Variants in OTUD7A observed in about 807,000 individuals in gnomAD.
The protein encoded by OTUD7A is OTU deubiquitinase 7A, also known as OTU domain-containing protein 7A.
A neutral mutation model predicts 65.7 loss-of-function variants in OTUD7A; 12 were observed. The ratio of observed to expected loss-of-function variants is 0.18; its 90% confidence interval spans 0.12 to 0.30. OTUD7A has a LOEUF of 0.30. OTUD7A is among the 10% of genes least tolerant of loss of function. The pLI is 1.00. For missense variants in OTUD7A, 1,148 were observed against 1,304.8 expected (o/e 0.88, Z 1.85); for synonymous variants, 641 against 586.3 (o/e 1.09, Z -1.35).
At chr15:31,855,459 C>T (rs1897544731) in intron 1 of OTUD7A, among the ~76,000 whole-genome samples, 2 of 151,948 alleles carry the variant, frequency 1.3e-5, no homozygotes, top group Admixed American at 1.3e-4. Flanking sequence ...GAAAACAGAG[C>T]CAGGGATTAA....
At chr15:31,723,065 T>C (rs572182926) in intron 1 of OTUD7A, among the ~76,000 whole-genome samples, 4 of 152,136 alleles carry the variant, frequency 2.6e-5, no homozygotes, top group African/African-American at 9.6e-5. Context: ...ATGAGGACCA[T>C]GGGGCAGAAG....
chr15:31,654,177 G>A (rs1375874277), intron 3 of OTUD7A, among the ~76,000 whole-genome samples: 4 of 93,890 alleles, frequency 4.3e-5, no homozygotes, highest in Non-Finnish European at 8.5e-5. Context: ...ATAGCAGGAA[G>A]GGAGAATCAT....
intron 1 of OTUD7A, among the ~76,000 whole-genome samples, chr15:31,791,461 G>A (rs988901272): frequency 1.8e-4 from 27 of 151,986 alleles, no homozygotes; most frequent in Non-Finnish European, 3.4e-4. Flanking sequence ...TGGTTCTCTT[G>A]CTGTGTCCCT....
At chr15:31,505,424 T>G (rs2041544885) in intron 8 of OTUD7A, among the ~76,000 whole-genome samples, 1 of 152,232 alleles carries the variant, frequency 6.6e-6, no homozygotes, top group African/African-American at 2.4e-5. Context: ...GGCTAGCAGA[T>G]ATTTAAGAAT....
intron 1 of OTUD7A, among the ~76,000 whole-genome samples, chr15:31,683,359 G>A (rs1007152131): frequency 6.6e-6 from 1 of 152,146 alleles, no homozygotes; most frequent in African/African-American, 2.4e-5. Flanking sequence ...ATAATACCCT[G>A]TCAACTTTAT....
intron 1 of OTUD7A, among the ~76,000 whole-genome samples, chr15:31,779,061 T>C (rs1438276018): frequency 6.6e-6 from 1 of 152,226 alleles, no homozygotes; most frequent in Non-Finnish European, 1.5e-5. Flanking sequence ...TATATCTAAA[T>C]ACTCCATTTC....
intron 5 of OTUD7A, among the ~76,000 whole-genome samples, chr15:31,552,114 G>A (rs1473206168): frequency 6.6e-6 from 1 of 152,066 alleles, no homozygotes; most frequent in African/African-American, 2.4e-5. Flanking sequence ...AAAGAGTCTG[G>A]CACCTCCTCT....
At chr15:31,636,332 T>C (rs962544022) in intron 3 of OTUD7A, among the ~76,000 whole-genome samples, 4 of 152,176 alleles carry the variant, frequency 2.6e-5, no homozygotes, top group Non-Finnish European at 4.4e-5. Flanking sequence ...CTCAGTGATC[T>C]TTGATGTTAC....
chr15:31,515,748 TCCAC>T (rs140794473), intron 8 of OTUD7A, among the ~76,000 whole-genome samples: 49,667 of 149,182 alleles, frequency 0.33, 8,409 homozygotes, highest in Admixed American at 0.37. Flanking sequence ...ATTCATGCCA[TCCAC>T]CCACCCACCC....
chr15:31,853,027 C>T (rs78329209), intron 1 of OTUD7A, among the ~76,000 whole-genome samples: 2,901 of 152,264 alleles, frequency 0.019, 90 homozygotes, highest in African/African-American at 0.063. Flanking sequence ...CCCTTCCCCC[C>T]AGGCTGCTCT....
intron 8 of OTUD7A, among the ~76,000 whole-genome samples, chr15:31,507,392 T>G (rs1184607393): frequency 1.3e-5 from 2 of 152,102 alleles, no homozygotes; most frequent in Non-Finnish European, 2.9e-5. Flanking sequence ...ACTTTGCTCT[T>G]GAGTAATTTA....
Position 31,785,797 on chromosome 15 carries a change from T to C in OTUD7A, c.-100+84710A>G, listed in dbSNP as rs146449732. The stretch of plus-strand genomic sequence containing the variant: ...GTGAGATAAACATACTTTGCCTCAG[T>C]TTCCTCATCCACAAAGTGAGGAGAG... On this transcript the variant is annotated intron_variant, in intron 1 of 12. Coordinates refer to ENST00000307050, the MANE Select transcript of OTUD7A (RefSeq NM_001382637.1). 6.6e-5 allele frequency among the ~76,000 whole-genome samples: 10 copies of C among 152,342 alleles called. No individual in the cohort carries two copies. In the East Asian group the frequency reaches 1.9e-3, roughly 29 times the overall value.
intron 3 of OTUD7A, among the ~76,000 whole-genome samples, chr15:31,631,926 GCTTTCAGCTCCAT>G (rs1891173426): frequency 6.6e-6 from 1 of 152,070 alleles, no homozygotes; most frequent in Non-Finnish European, 1.5e-5. Flanking sequence ...TTGAGCCTTG[GCTTTCAGCTCCAT>G]CAGCTCCTTT....
chr15:31,723,334 TGCCCTGCC>T (rs1212717732), intron 1 of OTUD7A, among the ~76,000 whole-genome samples: 1 of 151,396 alleles, frequency 6.6e-6, no homozygotes, highest in East Asian at 1.9e-4. Flanking sequence ...GGGGCACAAT[TGCCCTGCC>T]GCCTTCTGAA....
intron 3 of OTUD7A, among the ~76,000 whole-genome samples, chr15:31,641,236 G>A (rs1891507432): frequency 6.6e-6 from 1 of 152,094 alleles, no homozygotes; most frequent in Non-Finnish European, 1.5e-5. Context: ...GAAGGTGCCT[G>A]CTTCTCCTTT....
At chr15:31,558,868 G>T in intron 5 of OTUD7A, 101 bp downstream of exon 5, 1 of 1,306,688 alleles carries the variant, frequency 7.7e-7, no homozygotes, top group Non-Finnish European at 1.1e-6. Flanking sequence ...ACTGCCCAGA[G>T]TCTGAGAACA....
At chr15:31,802,229 C>G (rs182794596) in intron 1 of OTUD7A, among the ~76,000 whole-genome samples, 1 of 151,600 alleles carries the variant, frequency 6.6e-6, no homozygotes, top group South Asian at 2.1e-4. Flanking sequence ...GGCTGTGGGG[C>G]AAGGAGAGCC....
At chr15:31,710,460 G>A (rs1893414108) in intron 1 of OTUD7A, among the ~76,000 whole-genome samples, 1 of 151,750 alleles carries the variant, frequency 6.6e-6, no homozygotes. Flanking sequence ...ACGGCCATGG[G>A]AATACCTGCC....
At chr15:31,791,783 A>T (rs561584543) in intron 1 of OTUD7A, among the ~76,000 whole-genome samples, 1 of 151,616 alleles carries the variant, frequency 6.6e-6, no homozygotes, top group East Asian at 1.9e-4. Context: ...TTGACACCCC[A>T]CCCTCTCCTG....
Sources: allele counts gnomAD v4.1 joint callset (sites outside exome capture counted in the v4.1 genomes callset), GRCh38; gene constraint gnomAD v4.1.1; transcripts MANE v1.5; gene names NCBI Gene and HGNC (gene_info 2026-07-23, HGNC 2026-07-21).